ASAP1: variants seen among roughly 807,000 people sequenced by gnomAD.
The protein encoded by ASAP1 is arf-GAP with SH3 domain, ANK repeat and PH domain-containing protein 1.
A neutral mutation model predicts 145.2 loss-of-function variants in ASAP1; 43 were observed. The ratio of observed to expected loss-of-function variants is 0.30; its 90% CI spans 0.23 to 0.38. The LOEUF is 0.38. Among genes scored for constraint, ASAP1 ranks in the 10% least tolerant of loss-of-function variants. ASAP1 has a pLI of 1.00. For missense variants in ASAP1, 1,018 were observed against 1,355.3 expected, an observed-to-expected ratio of 0.75 and a Z score of 3.91; for synonymous variants, 546 against 515.5, an observed-to-expected ratio of 1.06 and a Z score of -0.80.
chr8:130,234,688 A>T (rs1026852527), intron 4 of ASAP1, among the ~76,000 whole-genome samples: 2 of 150,354 alleles, frequency 1.3e-5, no homozygotes, highest in African/African-American at 5.0e-5. Flanking sequence ...TTTGGAAAAG[A>T]GTCACATGGA....
At chr8:130,117,495 G>T (rs2097558206) in intron 20 of ASAP1, among the ~76,000 whole-genome samples, 1 of 152,052 alleles carries the variant, frequency 6.6e-6, no homozygotes, top group African/African-American at 2.4e-5. Context: ...TTCCTCTATG[G>T]GTTCAAATCC....
chr8:130,328,896 T>C (rs926195929), intron 3 of ASAP1, among the ~76,000 whole-genome samples: 12 of 152,098 alleles, frequency 7.9e-5, no homozygotes, highest in Non-Finnish European at 1.5e-4. Context: ...TCCCAAAGTG[T>C]TGGGATTACA....
At chr8:130,209,550 T>TA (rs145484434) in intron 5 of ASAP1, among the ~76,000 whole-genome samples, 52,944 of 138,640 alleles carry the variant, frequency 0.38, 9,800 homozygotes, top group East Asian at 0.66. Flanking sequence ...GCTCTTACAG[T>TA]AAAAAAAAAA....
At chr8:130,361,327 G>A (rs1443591227) in intron 2 of ASAP1, among the ~76,000 whole-genome samples, 3 of 152,196 alleles carry the variant, frequency 2.0e-5, no homozygotes, top group African/African-American at 4.8e-5. Flanking sequence ...ATAAAGGAGT[G>A]AGTGTGTCAA....
At chr8:130,213,808 G>A (rs1816725555) in intron 5 of ASAP1, among the ~76,000 whole-genome samples, 1 of 152,138 alleles carries the variant, frequency 6.6e-6, no homozygotes, top group African/African-American at 2.4e-5. Flanking sequence ...ATCCGTCCAG[G>A]TGGTGTTACC....
chr8:130,415,797 AC>A (rs1829453534), intron 1 of ASAP1, among the ~76,000 whole-genome samples: 1 of 151,684 alleles, frequency 6.6e-6, no homozygotes, highest in South Asian at 2.1e-4. Flanking sequence ...AAAAAAAAAA[AC>A]TACAGGAAAA....
chr8:130,145,116 T>C (rs1374691505), intron 13 of ASAP1, among the ~76,000 whole-genome samples: 1 of 152,202 alleles, frequency 6.6e-6, no homozygotes, highest in East Asian at 1.9e-4. Context: ...TTTCTGCAAA[T>C]ATGTATTAAG....
At chr8:130,392,335 C>A (rs1565276712) in intron 2 of ASAP1, among the ~76,000 whole-genome samples, 1 of 152,176 alleles carries the variant, frequency 6.6e-6, no homozygotes, top group Non-Finnish European at 1.5e-5. Flanking sequence ...AAAAGGAAGT[C>A]CCTTTGAATA....
chr8:130,284,475 G>A (rs1199044974), intron 3 of ASAP1, among the ~76,000 whole-genome samples: 2 of 152,106 alleles, frequency 1.3e-5, no homozygotes, highest in Non-Finnish European at 2.9e-5. Context: ...GAAAACCCAT[G>A]AAAATTTTTA....
intron 3 of ASAP1, among the ~76,000 whole-genome samples, chr8:130,256,759 A>ATATATATATATATATATATATATCCT (rs1819576780): frequency 1.0e-5 from 1 of 95,744 alleles, no homozygotes; most frequent in Non-Finnish European, 2.3e-5. Context: ...ATATATATAT[A>ATATATATATATATATATATATATCCT]TATATATATA....
intron 24 of ASAP1, among the ~76,000 whole-genome samples, chr8:130,102,315 G>T (rs887105633): frequency 1.3e-5 from 2 of 152,154 alleles, no homozygotes; most frequent in Non-Finnish European, 1.5e-5. Context: ...AATGGATGTT[G>T]AATTTTATCA....
intron 2 of ASAP1, among the ~76,000 whole-genome samples, chr8:130,401,379 G>A (rs1221106014): frequency 6.6e-6 from 1 of 151,746 alleles, no homozygotes; most frequent in African/African-American, 2.4e-5. Flanking sequence ...CCGAGTAGCT[G>A]AGATTACAGT....
intron 1 of ASAP1, among the ~76,000 whole-genome samples, chr8:130,414,942 G>A (rs1829414503): frequency 1.3e-5 from 2 of 152,148 alleles, no homozygotes; most frequent in South Asian, 4.1e-4. Flanking sequence ...ACTTTTAGTA[G>A]AGACAGGATT....
At chr8:130,116,564 G>C (rs2097556373) in intron 22 of ASAP1, 114 bp downstream of exon 22, 3 of 877,100 alleles carry the variant, frequency 3.4e-6, no homozygotes, top group Admixed American at 4.7e-5. Flanking sequence ...ATTTTCTTTA[G>C]CAAGTGTTAA....
At chr8:130,257,722 T>C (rs764173879) in intron 3 of ASAP1, among the ~76,000 whole-genome samples, 185 of 152,176 alleles carry the variant, frequency 1.2e-3, no homozygotes, top group Non-Finnish European at 2.2e-3. Flanking sequence ...ATTCATTACA[T>C]TTCTGTTTTT....
intron 9 of ASAP1, among the ~76,000 whole-genome samples, chr8:130,172,307 T>A (rs1323110932): frequency 1.3e-5 from 2 of 152,222 alleles, no homozygotes; most frequent in African/African-American, 4.8e-5. Context: ...GGGAATTTAA[T>A]CTTTATGCTT....
At chr8:130,147,508 C>T (rs956645147) in intron 13 of ASAP1, among the ~76,000 whole-genome samples, 1 of 152,206 alleles carries the variant, frequency 6.6e-6, no homozygotes, top group Non-Finnish European at 1.5e-5. Flanking sequence ...GATCCTACTT[C>T]AGCTCACTGA....
At chr8:130,430,543 T>C (rs1295248800) in intron 1 of ASAP1, among the ~76,000 whole-genome samples, 1 of 151,984 alleles carries the variant, frequency 6.6e-6, no homozygotes, top group Non-Finnish European at 1.5e-5. Flanking sequence ...CACCTGGGCA[T>C]GGGGATGGAG....
chr8:130,148,690 T>C (rs1202208636), intron 13 of ASAP1, among the ~76,000 whole-genome samples: 1 of 152,266 alleles, frequency 6.6e-6, no homozygotes, highest in Non-Finnish European at 1.5e-5. Flanking sequence ...ATGTCAACTA[T>C]AATTCTTATA....
Sources: gnomAD v4.1 joint callset for allele counts (sites outside exome capture counted in the v4.1 genomes callset) on GRCh38, gnomAD v4.1.1 for gene constraint, MANE v1.5 for transcripts, NCBI Gene and HGNC (gene_info 2026-07-23, HGNC 2026-07-21) for gene names.